Variants in CSMD1 observed in about 807,000 individuals in gnomAD.
The protein encoded by CSMD1 is CUB and Sushi multiple domains 1, also known as CUB and sushi domain-containing protein 1.
Under a neutral mutation model 417.5 loss-of-function variants are expected in CSMD1, and 213 were observed. That is an observed-to-expected ratio of 0.51 (90% CI 0.46 to 0.57). The LOEUF is 0.57. Among genes scored for constraint, CSMD1 ranks in the 20% least tolerant of loss-of-function variants. The pLI is 0.00. For synonymous variants in CSMD1, 2,862 were observed against 1,736.8 expected (o/e 1.65, Z -16.11); for missense variants, 6,923 against 4,529.7 (o/e 1.53, Z -15.17).
At chr8:3,969,985 C>G (rs1225847416) in intron 5 of CSMD1, among the ~76,000 whole-genome samples, 2 of 152,186 alleles carry the variant, frequency 1.3e-5, no homozygotes, top group Admixed American at 1.3e-4. Context: ...AGTTGTCAGT[C>G]AACATTTGAT....
intron 4 of CSMD1, among the ~76,000 whole-genome samples, chr8:4,021,138 G>A (rs1796768736): frequency 1.3e-5 from 2 of 152,216 alleles, no homozygotes; most frequent in Admixed American, 1.3e-4. Flanking sequence ...GTAGCCTGAA[G>A]TGTATGCAGC....
chr8:4,127,552 T>C (rs967294381), intron 3 of CSMD1, among the ~76,000 whole-genome samples: 1 of 152,008 alleles, frequency 6.6e-6, no homozygotes, highest in Non-Finnish European at 1.5e-5. Context: ...CCTAGTCAGT[T>C]TTCCTTCCTT....
At chr8:4,471,903 G>A (rs545654229) in intron 2 of CSMD1, among the ~76,000 whole-genome samples, 1 of 152,232 alleles carries the variant, frequency 6.6e-6, no homozygotes, top group African/African-American at 2.4e-5. Flanking sequence ...CTACAAAGGT[G>A]TTTCCAATGA....
chr8:3,944,536 C>A (rs1193409487), intron 5 of CSMD1, among the ~76,000 whole-genome samples: 1 of 152,134 alleles, frequency 6.6e-6, no homozygotes, highest in South Asian at 2.1e-4. Context: ...TTAATTACCA[C>A]ACATATATTC....
chr8:2,938,822 C>G lies in CSMD1; in HGVS notation c.10536-78G>C, dbSNP rs190750143. 5 of 1,304,460 alleles carry G rather than the reference C, an allele frequency of 3.8e-6. No individual in the cohort carries two copies. The Admixed American group carries it at 1.0e-4, about 27-fold the overall frequency. The allele number at this position is 1,304,460 out of a possible 1,614,324, so 80.8% of individuals were successfully genotyped here. A position where few individuals can be genotyped will look rare whatever the true frequency, so the allele number is the denominator to read the frequency against. On this transcript the variant is annotated intron_variant, in intron 69 of 69. Transcript: ENST00000635120. The stretch of plus-strand genomic sequence containing the variant: ...AGCAGCTGGGACTGTGTGCAGGAGA[C>G]AACGTCTACAGAGCAGGGAGCAGTA...
At chr8:4,652,486 C>T (rs1490479353) in intron 1 of CSMD1, among the ~76,000 whole-genome samples, 5 of 151,882 alleles carry the variant, frequency 3.3e-5, no homozygotes, top group South Asian at 4.2e-4. Context: ...ACCACTGTGC[C>T]GAGCCTGCCG....
intron 3 of CSMD1, among the ~76,000 whole-genome samples, chr8:4,307,199 C>G (rs1425013254): frequency 2.0e-5 from 3 of 152,178 alleles, no homozygotes; most frequent in Admixed American, 6.5e-5. Flanking sequence ...CAACCCCCTT[C>G]TACGGCTCAT....
At chr8:4,174,271 T>C (rs547087833) in intron 3 of CSMD1, among the ~76,000 whole-genome samples, 17 of 152,274 alleles carry the variant, frequency 1.1e-4, no homozygotes, top group East Asian at 1.9e-4. Context: ...TCAGCAAGAA[T>C]AGAGGCTAAG....
At chr8:4,569,932 G>T (rs902320245) in intron 2 of CSMD1, among the ~76,000 whole-genome samples, 9 of 151,940 alleles carry the variant, frequency 5.9e-5, no homozygotes, top group Non-Finnish European at 1.5e-5. Flanking sequence ...CTTATGATTT[G>T]GCTCTCTGTC....
At chr8:4,593,039 G>C (rs778456022) in intron 2 of CSMD1, among the ~76,000 whole-genome samples, 1 of 152,136 alleles carries the variant, frequency 6.6e-6, no homozygotes, top group Non-Finnish European at 1.5e-5. Context: ...CATGCTGGAG[G>C]GGTTTGTAAA....
intron 37 of CSMD1, among the ~76,000 whole-genome samples, chr8:3,166,164 A>G (rs1040233769): frequency 1.5e-4 from 23 of 152,140 alleles, no homozygotes; most frequent in Non-Finnish European, 2.8e-4. Context: ...CTCTTTTTAG[A>G]CTTTTAAAAA....
intron 1 of CSMD1, among the ~76,000 whole-genome samples, chr8:4,765,139 C>T (rs17080168): frequency 0.71 from 108,298 of 151,940 alleles, 39,011 homozygotes; most frequent in East Asian, 0.93. Context: ...CTGATGTTCA[C>T]ACAGTTAATA....
chr8:4,115,856 C>T (rs1802106370), intron 3 of CSMD1, among the ~76,000 whole-genome samples: 1 of 151,850 alleles, frequency 6.6e-6, no homozygotes, highest in Non-Finnish European at 1.5e-5. Context: ...CTGCATGATC[C>T]CCAATCATAT....
chr8:4,135,858 C>A (rs1173951752), intron 3 of CSMD1, among the ~76,000 whole-genome samples: 2 of 151,946 alleles, frequency 1.3e-5, no homozygotes, highest in Non-Finnish European at 2.9e-5. Context: ...TTTTTTAAAT[C>A]TAATAAGAAA....
intron 10 of CSMD1, among the ~76,000 whole-genome samples, chr8:3,552,791 A>G (rs1280691694): frequency 6.6e-6 from 1 of 152,198 alleles, no homozygotes; most frequent in Non-Finnish European, 1.5e-5. Flanking sequence ...TTAATACAGA[A>G]GACTAAGAAC....
intron 2 of CSMD1, among the ~76,000 whole-genome samples, chr8:4,482,916 T>C (rs758538385): frequency 5.9e-5 from 9 of 152,184 alleles, no homozygotes; most frequent in African/African-American, 9.7e-5. Context: ...CCAAATATAT[T>C]AATTTTTAGT....
intron 3 of CSMD1, among the ~76,000 whole-genome samples, chr8:4,330,775 C>G (rs77686945): frequency 6.6e-6 from 1 of 152,050 alleles, no homozygotes; most frequent in East Asian, 1.9e-4. Context: ...CTCCTCCCTA[C>G]TTATCATTTC....
At chr8:3,891,457 A>C (rs1265763157) in intron 5 of CSMD1, among the ~76,000 whole-genome samples, 1 of 152,108 alleles carries the variant, frequency 6.6e-6, no homozygotes, top group Non-Finnish European at 1.5e-5. Flanking sequence ...AGGTGGCAGA[A>C]TTTCCTGTAT....
At chr8:4,096,855 A>G (rs1349903161) in intron 3 of CSMD1, among the ~76,000 whole-genome samples, 1 of 152,188 alleles carries the variant, frequency 6.6e-6, no homozygotes, top group African/African-American at 2.4e-5. Flanking sequence ...TCTCAGGTAA[A>G]GGATTCCTGC....
Sources: gnomAD v4.1 joint callset for allele counts (sites outside exome capture counted in the v4.1 genomes callset) on GRCh38, gnomAD v4.1.1 for gene constraint, MANE v1.5 for transcripts, NCBI Gene and HGNC (gene_info 2026-07-23, HGNC 2026-07-21) for gene names.